ZNF566: variants seen among roughly 807,000 people sequenced by gnomAD.
ZNF566 encodes the protein zinc finger protein 566.
ZNF566 carries 27 observed loss-of-function variants against 32.8 expected under a neutral mutation model. That is an observed-to-expected ratio of 0.82 (90% confidence interval 0.61 to 1.14). The LOEUF (loss-of-function observed/expected upper bound fraction) is 1.14. ZNF566 is among the 50% of genes most tolerant of loss of function. The pLI is 0.00. For missense variants in ZNF566, 402 were observed against 490.4 expected (o/e 0.82, Z 1.70); for synonymous variants, 154 against 159.5 (o/e 0.97, Z 0.26).
chr19:36,453,039 AC>A lies in ZNF566; in HGVS notation c.233-3039del, dbSNP rs1218721337. On this transcript the variant is annotated intron_variant, in intron 4 of 4. Transcript: ENST00000452939. ...AGGGTGAGGCAGGAGAACTGCTTGA[AC>A]CCGGGAGGTGGAGGTTGCAGTGAGC... 2.0e-5 allele frequency among the ~76,000 whole-genome samples: 3 copies of A among 151,328 alleles called. No individual in the cohort carries two copies. The East Asian group carries it at 5.8e-4, about 29-fold the overall frequency.
intron 4 of ZNF566, among the ~76,000 whole-genome samples, chr19:36,470,378 G>C (rs964215995): frequency 6.6e-6 from 1 of 152,062 alleles, no homozygotes; most frequent in South Asian, 2.1e-4. Flanking sequence ...TCTTCCACAG[G>C]CTCTCCCTAA....
At chr19:36,455,352 GT>G (rs2033272724) in intron 4 of ZNF566, among the ~76,000 whole-genome samples, 1 of 152,008 alleles carries the variant, frequency 6.6e-6, no homozygotes, top group Admixed American at 6.6e-5. Flanking sequence ...AGTACCAAAA[GT>G]CCTTTTCATT....
At chr19:36,474,984 T>C (rs2145690206) in intron 2 of ZNF566, among the ~76,000 whole-genome samples, 1 of 152,318 alleles carries the variant, frequency 6.6e-6, no homozygotes, top group East Asian at 1.9e-4. Context: ...TAAATTCCCC[T>C]TATAACTAAG....
chr19:36,453,496 TAAATA>T (rs1568510890), intron 4 of ZNF566, among the ~76,000 whole-genome samples: 20 of 123,228 alleles, frequency 1.6e-4, no homozygotes, highest in African/African-American at 5.8e-4. Context: ...AATAAATAAA[TAAATA>T]AATAAATTAA....
At chr19:36,459,701 G>A (rs1343783783) in intron 4 of ZNF566, among the ~76,000 whole-genome samples, 4 of 150,660 alleles carry the variant, frequency 2.7e-5, no homozygotes, top group Admixed American at 6.6e-5. Flanking sequence ...TAGTAAAGAC[G>A]GGGTTTCACC....
chr19:36,479,148 G>C lies in ZNF566; in HGVS notation c.-59-2532C>G, dbSNP rs143871206. Among the ~76,000 whole-genome samples, 84 of 152,176 alleles carry C rather than the reference G, an allele frequency of 5.5e-4. No homozygotes were observed. In the Middle Eastern group the frequency reaches 0.01, roughly 18 times the overall value. Reference sequence around the variant, plus strand: ...TAGAGCTAATGTTATAACTAATGTTGAAACACTGAAAAATGTCCCCCTGAA... The same window carrying C: ...TAGAGCTAATGTTATAACTAATGTTCAAACACTGAAAAATGTCCCCCTGAA... On this transcript the variant is annotated intron_variant, in intron 1 of 4. Transcript: ENST00000452939.
At chr19:36,457,827 G>A (rs909149010) in intron 4 of ZNF566, among the ~76,000 whole-genome samples, 3 of 152,216 alleles carry the variant, frequency 2.0e-5, no homozygotes, top group Non-Finnish European at 4.4e-5. Flanking sequence ...GGAGGCGGAG[G>A]TTGCAGTGAG....
chr19:36,476,726 T>C (rs2033895931), intron 1 of ZNF566, 110 bp from the exon 2 acceptor site: 3 of 824,032 alleles, frequency 3.6e-6, no homozygotes, highest in South Asian at 4.1e-5. Flanking sequence ...GGGGTATCAG[T>C]GAGGAGAATG....
intron 4 of ZNF566, chr19:36,456,426 A>C (rs2033315193): frequency 6.7e-6 from 1 of 149,726 alleles, no homozygotes; most frequent in Non-Finnish European, 1.5e-5. Flanking sequence ...GGCAGCATGC[A>C]CCTGTAGTCC....
At chr19:36,473,287 C>T in intron 3 of ZNF566, 45 bp downstream of exon 3, 1 of 1,609,238 alleles carries the variant, frequency 6.2e-7, no homozygotes. Context: ...AGGAAGTAGG[C>T]CTTCCAAGGG....
At chr19:36,452,681 CAA>C (rs1382882341) in intron 4 of ZNF566, among the ~76,000 whole-genome samples, 1 of 151,386 alleles carries the variant, frequency 6.6e-6, no homozygotes, top group Admixed American at 6.6e-5. Flanking sequence ...TAAGAAACAT[CAA>C]AAAGAGTTCT....
At chr19:36,478,147 G>A (rs1034617650) in intron 1 of ZNF566, among the ~76,000 whole-genome samples, 1 of 151,386 alleles carries the variant, frequency 6.6e-6, no homozygotes, top group Non-Finnish European at 1.5e-5. Context: ...TCTACCCATA[G>A]GCACTCACTC....
intron 1 of ZNF566, among the ~76,000 whole-genome samples, chr19:36,477,555 T>TTTTTTTTTTTTTG (rs2033925754): frequency 7.3e-6 from 1 of 136,714 alleles, no homozygotes. Flanking sequence ...GTTTGTTTTT[T>TTTTTTTTTTTTTG]TGAGACGGAG....
chr19:36,470,779 G>A (rs990046011), intron 4 of ZNF566, among the ~76,000 whole-genome samples: 5 of 150,712 alleles, frequency 3.3e-5, no homozygotes, highest in Admixed American at 2.6e-4. Flanking sequence ...GCATGGTGGC[G>A]GGTGCCTGTA....
At chr19:36,450,954 C>G (rs111652665) in intron 4 of ZNF566, among the ~76,000 whole-genome samples, 1 of 152,140 alleles carries the variant, frequency 6.6e-6, no homozygotes, top group Non-Finnish European at 1.5e-5. Context: ...TATGCATCGT[C>G]TAATACAGTA....
At chr19:36,466,452 C>T (rs1025177208) in intron 4 of ZNF566, among the ~76,000 whole-genome samples, 6 of 152,270 alleles carry the variant, frequency 3.9e-5, no homozygotes, top group South Asian at 2.1e-4. Context: ...GCCAACTATA[C>T]GTATTTTACA....
intron 1 of ZNF566, among the ~76,000 whole-genome samples, chr19:36,479,310 T>C (rs148506115): frequency 4.3e-4 from 65 of 152,290 alleles, no homozygotes; most frequent in African/African-American, 1.5e-3. Flanking sequence ...ACTATCATTA[T>C]TCACAGATGA....
intron 4 of ZNF566, among the ~76,000 whole-genome samples, chr19:36,459,612 G>A (rs1339391912): frequency 2.6e-5 from 4 of 151,398 alleles, no homozygotes; most frequent in African/African-American, 7.3e-5. Context: ...CCAGGTTCAA[G>A]CGATTCTCCT....
intron 4 of ZNF566, among the ~76,000 whole-genome samples, chr19:36,467,471 T>C (rs542192971): frequency 4.2e-4 from 56 of 132,556 alleles, no homozygotes; most frequent in Non-Finnish European, 5.8e-4. Context: ...AAAAAACCAA[T>C]GACTTGAAAA....
Sources: allele counts gnomAD v4.1 joint callset (sites outside exome capture counted in the v4.1 genomes callset), GRCh38; gene constraint gnomAD v4.1.1; transcripts MANE v1.5; gene names NCBI Gene and HGNC (gene_info 2026-07-23, HGNC 2026-07-21).